Variants in MCTP2 observed in about 807,000 individuals in gnomAD.
MCTP2 encodes multiple C2 and transmembrane domain containing 2.
A neutral mutation model predicts 111.6 loss-of-function variants in MCTP2; 132 were observed. The observed-to-expected ratio is 1.18, with a 90% CI of 1.03 to 1.37. The LOEUF is 1.37. Ranked by LOEUF, MCTP2 falls within the 40% of genes most tolerant of loss-of-function variation. The pLI, the probability that MCTP2 is intolerant of heterozygous loss-of-function variation, is 0.00. For missense variants in MCTP2, 1,183 were observed against 1,067.9 expected, an observed-to-expected ratio of 1.11 and a Z score of -1.50; for synonymous variants, 395 against 387.7, an observed-to-expected ratio of 1.02 and a Z score of -0.22.
chr15:94,317,087 A>G (rs1037675114), intron 4 of MCTP2, among the ~76,000 whole-genome samples: 2 of 151,704 alleles, frequency 1.3e-5, no homozygotes, highest in Non-Finnish European at 1.5e-5. Context: ...TATGTTTTTC[A>G]TTTTTATAAC....
At chr15:94,342,438 T>C (rs192601780) in intron 7 of MCTP2, 1 of 152,258 alleles carries the variant, frequency 6.6e-6, no homozygotes, top group Non-Finnish European at 1.5e-5. Context: ...TGGTTTCCTC[T>C]GACTCCCCAC....
intron 10 of MCTP2, among the ~76,000 whole-genome samples, chr15:94,367,181 T>TC (rs946940054): frequency 1.3e-4 from 19 of 151,138 alleles, no homozygotes; most frequent in African/African-American, 4.1e-4. Flanking sequence ...TCTCTTATCT[T>TC]TTTTTTTCCT....
At chr15:94,285,993 G>T (rs1331300058) in intron 1 of MCTP2, among the ~76,000 whole-genome samples, 1 of 152,168 alleles carries the variant, frequency 6.6e-6, no homozygotes, top group African/African-American at 2.4e-5. Flanking sequence ...TCTAGTATAT[G>T]AAATGATTCT....
chr15:94,406,707 T>C (rs1463004095), intron 17 of MCTP2, among the ~76,000 whole-genome samples: 1 of 152,206 alleles, frequency 6.6e-6, no homozygotes, highest in East Asian at 1.9e-4. Context: ...GCCTTGGTTC[T>C]AGACTGAGTC....
intron 21 of MCTP2, among the ~76,000 whole-genome samples, chr15:94,475,057 G>C (rs1439596219): frequency 6.6e-6 from 1 of 152,110 alleles, no homozygotes; most frequent in Admixed American, 6.5e-5. Context: ...ATTAACAATA[G>C]AAGATATATC....
chr15:94,371,848 C>G (rs2079507357), intron 12 of MCTP2, among the ~76,000 whole-genome samples: 1 of 152,206 alleles, frequency 6.6e-6, no homozygotes, highest in East Asian at 1.9e-4. Flanking sequence ...GCCACCACAC[C>G]TGGCTAAGGG....
chr15:94,369,657 C>A (rs900535338), intron 11 of MCTP2, among the ~76,000 whole-genome samples: 2 of 152,094 alleles, frequency 1.3e-5, no homozygotes, highest in Non-Finnish European at 2.9e-5. Context: ...CTGATGGGTC[C>A]AAGTTTAGTC....
intron 12 of MCTP2, 131 bp from the exon 13 acceptor site, chr15:94,383,891 A>G (rs2152455299): frequency 1.5e-6 from 1 of 668,584 alleles, no homozygotes; most frequent in Non-Finnish European, 2.7e-6. Flanking sequence ...CAGGGCCTCC[A>G]TGACTCATTG....
intron 2 of MCTP2, among the ~76,000 whole-genome samples, chr15:94,312,389 G>C (rs2076185202): frequency 6.6e-6 from 1 of 152,188 alleles, no homozygotes; most frequent in African/African-American, 2.4e-5. Context: ...ACACATGCAG[G>C]AGATACCAAG....
chr15:94,440,708 T>C (rs570077688), intron 18 of MCTP2, among the ~76,000 whole-genome samples: 1 of 152,294 alleles, frequency 6.6e-6, no homozygotes, highest in East Asian at 1.9e-4. Context: ...AGGCACCTTA[T>C]GCAATGTTCT....
chr15:94,268,238 T>C (rs1212920233), intron 1 of MCTP2, among the ~76,000 whole-genome samples: 1 of 143,362 alleles, frequency 7.0e-6, no homozygotes, highest in Admixed American at 7.3e-5. Context: ...CTGGAGTGCA[T>C]TGGCACAATC....
chr15:94,380,877 A>AC (rs67374609), intron 12 of MCTP2, among the ~76,000 whole-genome samples: 23 of 151,770 alleles, frequency 1.5e-4, no homozygotes, highest in Non-Finnish European at 2.7e-4. Flanking sequence ...GTTTAAGTGA[A>AC]CCCCCCCCTT....
intron 1 of MCTP2, among the ~76,000 whole-genome samples, chr15:94,275,130 A>T (rs1484497212): frequency 6.6e-6 from 1 of 152,212 alleles, no homozygotes; most frequent in East Asian, 1.9e-4. Flanking sequence ...AATTTTTATC[A>T]AACTAGAAAT....
chr15:94,402,711 T>C, intron 17 of MCTP2: 1 of 1,451,180 alleles, frequency 6.9e-7, no homozygotes, highest in Non-Finnish European at 9.0e-7. Context: ...TAAAGGGACT[T>C]GTCCTTGATC....
intron 2 of MCTP2, among the ~76,000 whole-genome samples, chr15:94,300,485 G>T (rs2075556049): frequency 6.7e-6 from 1 of 148,710 alleles, no homozygotes; most frequent in East Asian, 2.0e-4. Flanking sequence ...ACTCCAGCCT[G>T]GGTGACAGAG....
At chr15:94,380,933 A>C (rs1349947197) in intron 12 of MCTP2, among the ~76,000 whole-genome samples, 1 of 152,258 alleles carries the variant, frequency 6.6e-6, no homozygotes, top group Non-Finnish European at 1.5e-5. Flanking sequence ...CAATGTTGGA[A>C]AATAGCAAAG....
At chr15:94,475,590 G>A (rs373998502) in intron 21 of MCTP2, among the ~76,000 whole-genome samples, 29 of 152,308 alleles carry the variant, frequency 1.9e-4, no homozygotes, top group East Asian at 5.8e-4. Context: ...TTCATTCAGC[G>A]TCATTGGGAC....
intron 18 of MCTP2, among the ~76,000 whole-genome samples, chr15:94,441,572 A>G (rs2083781451): frequency 6.6e-6 from 1 of 152,202 alleles, no homozygotes; most frequent in Admixed American, 6.5e-5. Context: ...TAATATACCT[A>G]TATGCACATA....
chr15:94,332,026 A>G (rs1596380055), intron 4 of MCTP2, among the ~76,000 whole-genome samples: 1 of 152,238 alleles, frequency 6.6e-6, no homozygotes, highest in African/African-American at 2.4e-5. Context: ...ATTTTGGTGG[A>G]TAAAACCACT....
Sources: gnomAD v4.1 joint callset for allele counts (sites outside exome capture counted in the v4.1 genomes callset) on GRCh38, gnomAD v4.1.1 for gene constraint, MANE v1.5 for transcripts, NCBI Gene and HGNC (gene_info 2026-07-23, HGNC 2026-07-21) for gene names.